PDZD2: variants seen among roughly 807,000 people sequenced by gnomAD.
PDZD2 encodes PDZ domain containing 2.
A neutral mutation model predicts 220.7 loss-of-function variants in PDZD2; 90 were observed. That is an observed-to-expected ratio of 0.41 (90% confidence interval 0.34 to 0.49). The LOEUF (loss-of-function observed/expected upper bound fraction) is 0.49. Among genes scored for constraint, PDZD2 ranks in the 20% least tolerant of loss-of-function variants. PDZD2 has a pLI of 0.28. For synonymous variants in PDZD2, 1,375 were observed against 1,450.5 expected (o/e 0.95, Z 1.18); for missense variants, 3,174 against 3,608.5 (o/e 0.88, Z 3.08).
At chr5:31,822,044 A>G (rs1265026920) in intron 2 of PDZD2, among the ~76,000 whole-genome samples, 4 of 152,158 alleles carry the variant, frequency 2.6e-5, no homozygotes, top group Non-Finnish European at 4.4e-5. Flanking sequence ...TTATGGCTGC[A>G]TAGTATTCCG....
intron 23 of PDZD2, chr5:32,100,131 C>T (rs1744120805): frequency 6.6e-6 from 1 of 152,424 alleles, no homozygotes; most frequent in Non-Finnish European, 1.5e-5. Context: ...GACCCATTTT[C>T]CTGTTGAAAA....
Position 32,089,718 on chromosome 5 carries a change from GAA to G in PDZD2, c.6273_6274del (p.Lys2091AsnfsTer7), listed in dbSNP as rs772850035. On this transcript the variant is annotated frameshift_variant, in exon 20 of 25. Transcript: ENST00000438447. LOFTEE classifies it high-confidence loss of function. ...ATCGCCTCGAAAGAACAAACCAGCT[GAA>G]AATCGTGGAGATTTCTGCTGAAGCA... ...SDRLERTNQL[K>X]IVEISAEAVS... The G allele has an allele frequency of 6.2e-7, 1 of 1,614,216 alleles. No individual in the cohort carries two copies. The highest frequency in any genetic ancestry group is 8.5e-7 in the Non-Finnish European group (1 of 1,180,042).
At chr5:31,693,776 G>C (rs371169268) in intron 1 of PDZD2, among the ~76,000 whole-genome samples, 1 of 152,134 alleles carries the variant, frequency 6.6e-6, no homozygotes, top group African/African-American at 2.4e-5. Context: ...TGAAGGGACC[G>C]TCAGTCTCTA....
intron 5 of PDZD2, among the ~76,000 whole-genome samples, chr5:32,003,658 C>G (rs953958804): frequency 2.0e-5 from 3 of 152,160 alleles, no homozygotes; most frequent in Non-Finnish European, 4.4e-5. Context: ...GCTAAACCTG[C>G]ATTTCTTGTG....
chr5:31,686,450 C>T lies in PDZD2; in HGVS notation c.-361+47013C>T, dbSNP rs191006846. ...CGTGATCTTGGCTCACTGCAACCTC[C>T]ACCTCCAGGTTCAAGCGATTCTCCT... is the stretch of plus-strand genomic sequence containing the variant. On this transcript the variant is annotated intron_variant, in intron 1 of 24. Transcript: ENST00000438447. Among the ~76,000 whole-genome samples the T allele has an allele frequency of 4.6e-5, 7 of 152,112 alleles. No individual in the cohort carries two copies. The East Asian group carries it at 1.4e-3, about 30-fold the overall frequency.
intron 2 of PDZD2, among the ~76,000 whole-genome samples, chr5:31,931,085 C>G (rs35716764): frequency 0.14 from 20,948 of 152,128 alleles, 1,526 homozygotes; most frequent in South Asian, 0.24. Flanking sequence ...TATAGTGGCG[C>G]GATCTCAGCT....
At chr5:31,882,619 T>A (rs1740030061) in intron 2 of PDZD2, among the ~76,000 whole-genome samples, 1 of 152,214 alleles carries the variant, frequency 6.6e-6, no homozygotes, top group South Asian at 2.1e-4. Flanking sequence ...GCAGTTGAAA[T>A]TTTTAAAAAT....
chr5:31,964,567 C>A (rs1453453836), intron 2 of PDZD2, among the ~76,000 whole-genome samples: 2 of 152,142 alleles, frequency 1.3e-5, no homozygotes, highest in African/African-American at 4.8e-5. Flanking sequence ...AACCTGGCTT[C>A]CCAAATATGC....
intron 17 of PDZD2, among the ~76,000 whole-genome samples, chr5:32,073,614 G>GGT (rs2112399495): frequency 6.9e-6 from 1 of 145,372 alleles, no homozygotes; most frequent in South Asian, 2.6e-4. Flanking sequence ...GGGCGGGGGG[G>GGT]GTAGGTCAGT....
intron 2 of PDZD2, among the ~76,000 whole-genome samples, chr5:31,901,436 A>G (rs1208714223): frequency 6.6e-6 from 1 of 151,460 alleles, no homozygotes; most frequent in Non-Finnish European, 1.5e-5. Flanking sequence ...AAAAAGAAGA[A>G]GAAAGGTGAC....
intron 2 of PDZD2, among the ~76,000 whole-genome samples, chr5:31,869,629 G>A (rs1738589408): frequency 6.6e-6 from 1 of 152,192 alleles, no homozygotes; most frequent in Admixed American, 6.5e-5. Flanking sequence ...TTATAGCTTG[G>A]AATATTGTCC....
Position 32,000,301 on chromosome 5 carries a change from A to C in PDZD2, c.1254+30A>C. 1.9e-6 allele frequency: 3 copies of C among 1,607,892 alleles called. No homozygotes were observed. Among genetic ancestry groups the C allele is most frequent in the Non-Finnish European group, 2.5e-6 (3 of 1,178,042 alleles). Reference sequence around the variant, plus strand: ...GTCGTGTTTGTTTTTTGGTACTCGTAATGGTGGCAGTGGTGAGTTGGGGTT... The same window carrying C: ...GTCGTGTTTGTTTTTTGGTACTCGTCATGGTGGCAGTGGTGAGTTGGGGTT... On this transcript the variant is annotated intron_variant, in intron 5 of 24. Transcript: ENST00000438447. The surrounding 1 kb of genome is among the most constrained non-coding windows in gnomAD (Gnocchi z 4.5).
At chr5:31,819,572 G>C (rs1409354518) in intron 2 of PDZD2, among the ~76,000 whole-genome samples, 3 of 149,264 alleles carry the variant, frequency 2.0e-5, no homozygotes, top group Non-Finnish European at 3.0e-5. Flanking sequence ...CAGGAGAGTC[G>C]TTCGAACCTG....
chr5:31,783,667 C>T (rs141282183), intron 1 of PDZD2, among the ~76,000 whole-genome samples: 4 of 152,098 alleles, frequency 2.6e-5, no homozygotes, highest in African/African-American at 9.6e-5. Flanking sequence ...TTGGTAATTC[C>T]CCAGATCGGC....
chr5:31,939,233 G>A (rs1847610), intron 2 of PDZD2, among the ~76,000 whole-genome samples: 59,971 of 151,886 alleles, frequency 0.39, 12,415 homozygotes, highest in Middle Eastern at 0.56. Context: ...CAGCACTTTC[G>A]TATTTAGAAA....
intron 24 of PDZD2, among the ~76,000 whole-genome samples, chr5:32,103,107 C>T (rs1462090991): frequency 6.6e-6 from 1 of 151,422 alleles, no homozygotes; most frequent in African/African-American, 2.4e-5. Context: ...GAAAGAGTTC[C>T]AGAAGGAAAA....
intron 1 of PDZD2, among the ~76,000 whole-genome samples, chr5:31,779,595 G>A (rs184321592): frequency 2.0e-5 from 3 of 151,776 alleles, no homozygotes; most frequent in Non-Finnish European, 4.4e-5. Flanking sequence ...GGATGGTCTC[G>A]ATCTCCTGAC....
intron 2 of PDZD2, among the ~76,000 whole-genome samples, chr5:31,826,250 T>C (rs1756210257): frequency 6.6e-6 from 1 of 151,938 alleles, no homozygotes; most frequent in African/African-American, 2.4e-5. Flanking sequence ...AGGGAAGAAG[T>C]TTTTGTTCTC....
chr5:32,001,965 G>T (rs1356562412), intron 5 of PDZD2, among the ~76,000 whole-genome samples: 1 of 152,150 alleles, frequency 6.6e-6, no homozygotes, highest in Non-Finnish European at 1.5e-5. Context: ...CACCCTCTTA[G>T]CCCTGTGCAG....
Sources: allele counts gnomAD v4.1 joint callset (sites outside exome capture counted in the v4.1 genomes callset), GRCh38; gene constraint gnomAD v4.1.1; non-coding constraint Gnocchi (gnomAD v3.1); transcripts MANE v1.5; gene names NCBI Gene and HGNC (gene_info 2026-07-23, HGNC 2026-07-21).